Variants in VPS13B observed in about 807,000 individuals in gnomAD.
VPS13B encodes the protein intermembrane lipid transfer protein VPS13B.
In VPS13B, 285 loss-of-function variants were observed where a neutral mutation model predicts 426.4. The observed-to-expected ratio is 0.67, with a 90% CI of 0.61 to 0.74. The LOEUF is 0.74. VPS13B is among the 30% of genes least tolerant of loss of function. The pLI is 0.00. For missense variants in VPS13B, 4,537 were observed against 4,782.6 expected (o/e 0.95, Z 1.51); for synonymous variants, 1,676 against 1,676.4 (o/e 1.00, Z 0.01).
intron 21 of VPS13B, among the ~76,000 whole-genome samples, chr8:99,422,092 A>G (rs774911735): frequency 2.0e-5 from 3 of 152,148 alleles, no homozygotes; most frequent in Admixed American, 6.6e-5. Context: ...ACAGAGTTTT[A>G]TGTAGTAGAC....
At chr8:99,038,840 C>G (rs1014740893) in intron 3 of VPS13B, among the ~76,000 whole-genome samples, 2 of 151,664 alleles carry the variant, frequency 1.3e-5, no homozygotes, top group Non-Finnish European at 2.9e-5. Context: ...GTGTGCGCCA[C>G]CACGCCCAGC....
At chr8:99,510,070 T>G (rs548327342) in intron 28 of VPS13B, among the ~76,000 whole-genome samples, 4 of 152,328 alleles carry the variant, frequency 2.6e-5, no homozygotes, top group Non-Finnish European at 2.9e-5. Flanking sequence ...ACCCAAAGAT[T>G]ATGATTTACA....
intron 60 of VPS13B, 89 bp from the exon 61 acceptor site, chr8:99,871,359 G>C: frequency 2.5e-6 from 4 of 1,600,564 alleles, no homozygotes; most frequent in Non-Finnish European, 2.6e-6. Context: ...TGCCCTTGTG[G>C]AGGTTGCCCC....
At chr8:99,411,937 G>A (rs1815690070) in intron 21 of VPS13B, among the ~76,000 whole-genome samples, 1 of 152,116 alleles carries the variant, frequency 6.6e-6, no homozygotes, top group Admixed American at 6.6e-5. Flanking sequence ...GCACCATGCT[G>A]TTTGGTTACT....
At chr8:99,675,832 C>T (rs879372542) in intron 35 of VPS13B, among the ~76,000 whole-genome samples, 4 of 151,820 alleles carry the variant, frequency 2.6e-5, no homozygotes, top group Admixed American at 6.6e-5. Context: ...TCATTCTGGT[C>T]ATTTATTGTT....
At chr8:99,428,971 T>G (rs1816915725) in intron 21 of VPS13B, among the ~76,000 whole-genome samples, 1 of 152,170 alleles carries the variant, frequency 6.6e-6, no homozygotes, top group Admixed American at 6.5e-5. Flanking sequence ...TGAGTTCATG[T>G]CCTTTGTAGG....
chr8:99,477,586 C>T (rs1431185135), intron 24 of VPS13B, among the ~76,000 whole-genome samples: 1 of 152,184 alleles, frequency 6.6e-6, no homozygotes, highest in Non-Finnish European at 1.5e-5. Context: ...AAATACCTTT[C>T]TTTGACTTAT....
intron 13 of VPS13B, among the ~76,000 whole-genome samples, chr8:99,146,116 CA>C (rs1810713097): frequency 6.6e-6 from 1 of 152,116 alleles, no homozygotes; most frequent in Non-Finnish European, 1.5e-5. Context: ...TTTATTTCTT[CA>C]GTGAACTGCA....
intron 22 of VPS13B, 61 bp downstream of exon 22, chr8:99,431,725 A>G: frequency 6.5e-7 from 1 of 1,531,958 alleles, no homozygotes; most frequent in Non-Finnish European, 8.9e-7. Context: ...AATTCCCAGC[A>G]TTGTTAATAT....
At chr8:99,491,784 A>G (rs1820616401) in intron 25 of VPS13B, among the ~76,000 whole-genome samples, 1 of 152,162 alleles carries the variant, frequency 6.6e-6, no homozygotes, top group Non-Finnish European at 1.5e-5. Context: ...CAAGGTTTTT[A>G]GCTTCCTTGC....
At chr8:99,039,176 A>G (rs1269490520) in intron 3 of VPS13B, among the ~76,000 whole-genome samples, 2 of 152,228 alleles carry the variant, frequency 1.3e-5, no homozygotes, top group East Asian at 1.9e-4. Context: ...TTACATTAAC[A>G]TTTTTAGATT....
chr8:99,169,372 T>C (rs750100640), intron 15 of VPS13B, among the ~76,000 whole-genome samples: 3 of 152,030 alleles, frequency 2.0e-5, no homozygotes, highest in African/African-American at 4.8e-5. Flanking sequence ...ATGACAAATA[T>C]AGTATCCAGG....
chr8:99,361,469 T>C (rs1229809918), intron 19 of VPS13B, among the ~76,000 whole-genome samples: 2 of 152,192 alleles, frequency 1.3e-5, no homozygotes, highest in East Asian at 1.9e-4. Context: ...AAAGGTGTGT[T>C]ATTTTGTATG....
intron 3 of VPS13B, among the ~76,000 whole-genome samples, chr8:99,074,779 G>A (rs1292224619): frequency 2.0e-5 from 3 of 151,928 alleles, no homozygotes; most frequent in Non-Finnish European, 4.4e-5. Flanking sequence ...GGGACTACAG[G>A]TGTGTGCCAC....
At chr8:99,461,575 G>T (rs2133492102) in intron 23 of VPS13B, among the ~76,000 whole-genome samples, 2 of 152,014 alleles carry the variant, frequency 1.3e-5, no homozygotes, top group East Asian at 3.9e-4. Context: ...TTATCTAATT[G>T]TTTTCCCTAC....
intron 56 of VPS13B, among the ~76,000 whole-genome samples, chr8:99,857,354 A>G (rs558326051): frequency 2.0e-5 from 3 of 152,216 alleles, no homozygotes; most frequent in Admixed American, 2.0e-4. Context: ...TCTTTTATAC[A>G]TGGACTCCGT....
intron 44 of VPS13B, among the ~76,000 whole-genome samples, chr8:99,811,839 T>G (rs1813715755): frequency 6.6e-6 from 1 of 152,182 alleles, no homozygotes; most frequent in Non-Finnish European, 1.5e-5. Flanking sequence ...GTGTGAGGAT[T>G]AACTGAGTTT....
At chr8:99,653,842 G>A (rs1461182460) in intron 34 of VPS13B, among the ~76,000 whole-genome samples, 1 of 151,940 alleles carries the variant, frequency 6.6e-6, no homozygotes, top group Non-Finnish European at 1.5e-5. Context: ...GAAATCTCTT[G>A]CCCTTCCCAT....
chr8:99,270,128 AAT>A (rs1818499450), intron 17 of VPS13B, among the ~76,000 whole-genome samples: 1 of 22,026 alleles, frequency 4.5e-5, no homozygotes. Context: ...AAGATATAAG[AAT>A]CTTTTTTTTT....
Sources: gnomAD v4.1 joint callset for allele counts (sites outside exome capture counted in the v4.1 genomes callset) on GRCh38, gnomAD v4.1.1 for gene constraint, MANE v1.5 for transcripts, NCBI Gene and HGNC (gene_info 2026-07-23, HGNC 2026-07-21) for gene names.